Variants in RUNX2 observed in about 807,000 individuals in gnomAD.
RUNX2 encodes the protein RUNX family transcription factor 2.
A neutral mutation model predicts 51.7 loss-of-function variants in RUNX2; 10 were observed. The ratio of observed to expected loss-of-function variants is 0.19; its 90% CI spans 0.12 to 0.33. RUNX2 has a LOEUF of 0.33. Among genes scored for constraint, RUNX2 ranks in the 10% least tolerant of loss-of-function variants. RUNX2 has a pLI of 1.00. For synonymous variants in RUNX2, 276 were observed against 273.6 expected (o/e 1.01, Z -0.09); for missense variants, 562 against 691.3 (o/e 0.81, Z 2.10).
chr6:45,346,184 T>C (rs1790818670), intron 2 of RUNX2, among the ~76,000 whole-genome samples: 1 of 152,172 alleles, frequency 6.6e-6, no homozygotes, highest in South Asian at 2.1e-4. Context: ...TCTCTCAGTT[T>C]CTATGTGTGT....
At chr6:45,488,428 C>T (rs185213846) in intron 5 of RUNX2, among the ~76,000 whole-genome samples, 1 of 152,218 alleles carries the variant, frequency 6.6e-6, no homozygotes, top group East Asian at 1.9e-4. Flanking sequence ...CAGTAGAACA[C>T]ACAAACCTGG....
intron 2 of RUNX2, among the ~76,000 whole-genome samples, chr6:45,358,453 C>T (rs1019349213): frequency 6.6e-6 from 1 of 152,150 alleles, no homozygotes; most frequent in African/African-American, 2.4e-5. Context: ...ATCCTTTCTT[C>T]TCTATAATTA....
intron 7 of RUNX2, among the ~76,000 whole-genome samples, chr6:45,524,219 AT>A (rs957719486): frequency 6.6e-6 from 1 of 152,182 alleles, no homozygotes; most frequent in Non-Finnish European, 1.5e-5. Context: ...TACTGCCTAA[AT>A]TTTTTTATAT....
At chr6:45,444,196 G>C (rs534298123) in intron 5 of RUNX2, among the ~76,000 whole-genome samples, 7 of 152,196 alleles carry the variant, frequency 4.6e-5, no homozygotes, top group Admixed American at 2.0e-4. Context: ...TGAAATTCTT[G>C]CTTGCTGGCA....
At chr6:45,458,868 G>A (rs1264446643) in intron 5 of RUNX2, among the ~76,000 whole-genome samples, 1 of 152,192 alleles carries the variant, frequency 6.6e-6, no homozygotes, top group Non-Finnish European at 1.5e-5. Context: ...GAGGGCAAAT[G>A]TTATGGATGC....
chr6:45,392,732 T>C (rs539798275), intron 2 of RUNX2, among the ~76,000 whole-genome samples: 1 of 151,760 alleles, frequency 6.6e-6, no homozygotes, highest in South Asian at 2.1e-4. Context: ...ATATTTATGC[T>C]GTTTGGTGTT....
intron 7 of RUNX2, among the ~76,000 whole-genome samples, chr6:45,520,329 A>AT (rs1801467763): frequency 1.3e-5 from 2 of 152,116 alleles, no homozygotes; most frequent in African/African-American, 4.8e-5. Flanking sequence ...TCTTGGGTGC[A>AT]TTTTTAAATT....
chr6:45,514,162 CTT>C (rs1345276123), intron 7 of RUNX2, among the ~76,000 whole-genome samples: 1 of 152,168 alleles, frequency 6.6e-6, no homozygotes, highest in Non-Finnish European at 1.5e-5. Flanking sequence ...ATTAGAGACA[CTT>C]AACTACAGCA....
At chr6:45,457,061 TA>T (rs1395055107) in intron 5 of RUNX2, among the ~76,000 whole-genome samples, 2 of 152,226 alleles carry the variant, frequency 1.3e-5, no homozygotes, top group African/African-American at 4.8e-5. Flanking sequence ...AGCCAATTTT[TA>T]TATGCATTTT....
intron 2 of RUNX2, among the ~76,000 whole-genome samples, chr6:45,331,767 G>T (rs1787566208): frequency 6.6e-6 from 1 of 151,846 alleles, no homozygotes; most frequent in South Asian, 2.1e-4. Flanking sequence ...CACAAGGCAT[G>T]AAATATACAT....
intron 2 of RUNX2, among the ~76,000 whole-genome samples, chr6:45,362,094 A>G (rs1441595267): frequency 6.6e-6 from 1 of 152,146 alleles, no homozygotes; most frequent in Non-Finnish European, 1.5e-5. Flanking sequence ...TTCTGTTAAG[A>G]ATGCCTCACT....
At position 45,479,188 on chromosome 6, in the gene RUNX2, T is replaced by A. The variant is rs148727969; in HGVS notation, c.686-12753T>A. Among the ~76,000 whole-genome samples the A allele has an allele frequency of 8.5e-5, 13 of 152,324 alleles. No individual in the cohort carries two copies. In the East Asian group the frequency reaches 2.1e-3, roughly 25 times the overall value. ...CTCAATGAAAGGTCCATGAAAGAGA[T>A]AGGACCCAGAAGAGAAAGAATTAAA... On this transcript the variant is annotated intron_variant, in intron 5 of 8. Coordinates refer to ENST00000647337, the MANE Select transcript of RUNX2 (RefSeq NM_001024630.4).
At chr6:45,406,439 GTCTC>G (rs1324587073) in intron 2 of RUNX2, among the ~76,000 whole-genome samples, 6 of 152,160 alleles carry the variant, frequency 3.9e-5, no homozygotes, top group Admixed American at 2.6e-4. Context: ...TTTTGGAAGA[GTCTC>G]TCACTCTGTC....
intron 2 of RUNX2, among the ~76,000 whole-genome samples, chr6:45,400,049 A>AGGAGGGAGGGAGGGAAGGAAAGAAGGAAT (rs1563069000): frequency 8.4e-5 from 7 of 83,672 alleles, no homozygotes; most frequent in Non-Finnish European, 1.5e-4. Context: ...AAAGAAGGAA[A>AGGAGGGAGGGAGGGAAGGAAAGAAGGAAT]GGAGGGAGGG....
At chr6:45,409,318 G>A (rs74474020) in intron 2 of RUNX2, among the ~76,000 whole-genome samples, 2,998 of 152,208 alleles carry the variant, frequency 0.02, 104 homozygotes, top group African/African-American at 0.068. Flanking sequence ...AGTACACTGG[G>A]AAGCCTTTTT....
At chr6:45,523,306 C>G (rs1434911516) in intron 7 of RUNX2, among the ~76,000 whole-genome samples, 2 of 151,982 alleles carry the variant, frequency 1.3e-5, no homozygotes, top group Admixed American at 6.6e-5. Context: ...TCTCTTATTG[C>G]CCAGGCTGGA....
chr6:45,458,306 C>G (rs549301876), intron 5 of RUNX2, among the ~76,000 whole-genome samples: 3 of 152,182 alleles, frequency 2.0e-5, no homozygotes, highest in Non-Finnish European at 2.9e-5. Context: ...GGATTACAGG[C>G]ATGAGCCACC....
chr6:45,512,453 G>A lies in RUNX2; in HGVS notation c.1021+46G>A, dbSNP rs11498194. ...AAAAATCCATCCCTGCACAGGGGTC[G>A]GGGGGAGTGGGATGGGCTGAGCCTG... On this transcript the variant is annotated intron_variant, in intron 7 of 8. Transcript: ENST00000647337. 195,069 of 1,601,206 alleles carry A rather than the reference G, an allele frequency of 0.12. 13,248 individuals are homozygous for A. The highest frequency in any genetic ancestry group is 0.14 in the Non-Finnish European group (166,543 of 1,172,394).
At chr6:45,443,368 G>A (rs892567642) in intron 5 of RUNX2, among the ~76,000 whole-genome samples, 20 of 152,014 alleles carry the variant, frequency 1.3e-4, no homozygotes, top group African/African-American at 4.6e-4. Context: ...GCCTTCTTAA[G>A]GATTAGGCTC....
Sources: gnomAD v4.1 joint callset for allele counts (sites outside exome capture counted in the v4.1 genomes callset) on GRCh38, gnomAD v4.1.1 for gene constraint, MANE v1.5 for transcripts, NCBI Gene and HGNC (gene_info 2026-07-23, HGNC 2026-07-21) for gene names.